UBE2QL1: variants seen among roughly 807,000 people sequenced by gnomAD.
The protein encoded by UBE2QL1 is ubiquitin-conjugating enzyme E2Q-like protein 1.
In UBE2QL1, 5 loss-of-function variants were observed where a neutral mutation model predicts 12.6. That is an observed-to-expected ratio of 0.40 (90% CI 0.21 to 0.83). The LOEUF is 0.83. Ranked by LOEUF, UBE2QL1 falls within the 40% of genes least tolerant of loss-of-function variation. The probability of loss-of-function intolerance (pLI) is 0.37; values close to 1 mark genes in which losing one functional copy is unlikely to be tolerated. For synonymous variants in UBE2QL1, 96 were observed against 94.5 expected (o/e 1.02, Z -0.10); for missense variants, 99 against 222.6 (o/e 0.44, Z 3.53).
chr5:6,495,706 G>A lies in UBE2QL1; in HGVS notation c.*4357G>A, dbSNP rs1734655445. Among the ~76,000 whole-genome samples the A allele has an allele frequency of 6.6e-6, 1 of 152,196 alleles. No individual in the cohort carries two copies. Among genetic ancestry groups the A allele is most frequent in the African/African-American group, 2.4e-5 (1 of 41,444 alleles). ...GGCAGAAATTCCCTCCAACTGTTTTGGGAAGCTTCTGTAAGGGGCTTGGAG... is the reference window on the plus strand; with the variant it reads ...GGCAGAAATTCCCTCCAACTGTTTTAGGAAGCTTCTGTAAGGGGCTTGGAG... On this transcript the variant is annotated 3_prime_UTR_variant, in exon 2 of 2. Transcript: ENST00000399816.
At chr5:6,471,882 C>T (rs1739919288) in intron 1 of UBE2QL1, among the ~76,000 whole-genome samples, 1 of 152,258 alleles carries the variant, frequency 6.6e-6, no homozygotes, top group Non-Finnish European at 1.5e-5. Flanking sequence ...CTGGCATACA[C>T]GTTCATGTAA....
chr5:6,459,849 A>C (rs1409503632), intron 1 of UBE2QL1, among the ~76,000 whole-genome samples: 1 of 152,162 alleles, frequency 6.6e-6, no homozygotes, highest in East Asian at 1.9e-4. Flanking sequence ...GTTTCTTTCA[A>C]TCCTAATTAT....
chr5:6,470,774 T>G (rs1172717864), intron 1 of UBE2QL1, among the ~76,000 whole-genome samples: 1 of 152,202 alleles, frequency 6.6e-6, no homozygotes, highest in Non-Finnish European at 1.5e-5. Context: ...GGGACTGTCC[T>G]GTGTATCATG....
At chr5:6,450,090 C>A (rs169250) in intron 1 of UBE2QL1, among the ~76,000 whole-genome samples, 61,718 of 112,728 alleles carry the variant, frequency 0.55, 15,337 homozygotes, top group East Asian at 0.67. Flanking sequence ...GACCAGACCC[C>A]CCCCCCCCAC....
Position 6,481,329 on chromosome 5 carries a change from A to G in UBE2QL1, c.355-9889A>G, listed in dbSNP as rs961824423. On this transcript the variant is annotated intron_variant, in intron 1 of 1. Coordinates refer to ENST00000399816, the MANE Select transcript of UBE2QL1 (RefSeq NM_001145161.3). The surrounding 1 kb of genome is among the most constrained non-coding windows in gnomAD (Gnocchi z 4.5). Reference sequence around the variant, plus strand: ...CTTGGCATGGTGGCCCACCACCTCCATCCCATCTCGCCTTGCACGCCAGGT... The same window carrying G: ...CTTGGCATGGTGGCCCACCACCTCCGTCCCATCTCGCCTTGCACGCCAGGT... Among the ~76,000 whole-genome samples, 7 of 152,140 alleles carry G rather than the reference A, an allele frequency of 4.6e-5. No individual in the cohort carries two copies. The highest frequency in any genetic ancestry group is 8.8e-5 in the Non-Finnish European group (6 of 68,024).
In UBE2QL1 at chr5:6,492,347, A is replaced by T. The variant is rs1185402255; in HGVS notation, c.*998A>T. The T allele has an allele frequency of 6.6e-6, 1 of 152,202 alleles. No individual in the cohort carries two copies. Among genetic ancestry groups the T allele is most frequent in the Non-Finnish European group, 1.5e-5 (1 of 68,036 alleles). 9.4% of individuals were successfully genotyped at this position (152,202 alleles called of 1,614,324 possible). Reference sequence around the variant, plus strand: ...TGATTTGCATGATCGGGTCTATTTCACCCAATAGTCACTTGTGTGTCCCCC... The same window carrying T: ...TGATTTGCATGATCGGGTCTATTTCTCCCAATAGTCACTTGTGTGTCCCCC... On this transcript the variant is annotated 3_prime_UTR_variant, in exon 2 of 2. Coordinates refer to ENST00000399816, the MANE Select transcript of UBE2QL1 (RefSeq NM_001145161.3).
At chr5:6,469,422 TC>T (rs1209631516) in intron 1 of UBE2QL1, among the ~76,000 whole-genome samples, 2 of 148,804 alleles carry the variant, frequency 1.3e-5, no homozygotes, top group Non-Finnish European at 3.0e-5. Context: ...AATATTCTAA[TC>T]TATACATATT....
chr5:6,460,838 G>A (rs147945764), intron 1 of UBE2QL1, among the ~76,000 whole-genome samples: 111 of 152,312 alleles, frequency 7.3e-4, no homozygotes, highest in African/African-American at 2.6e-3. Flanking sequence ...GCCATTAAAT[G>A]TTGTTGATAT....
At chr5:6,459,878 G>A (rs1425056153) in intron 1 of UBE2QL1, among the ~76,000 whole-genome samples, 1 of 152,178 alleles carries the variant, frequency 6.6e-6, no homozygotes, top group Non-Finnish European at 1.5e-5. Context: ...CTGAATTGCA[G>A]TTCAAAGTTA....
rs973589685 is a variant in UBE2QL1 at position 6,479,829 on chromosome 5, C to T, written c.355-11389C>T. Among the ~76,000 whole-genome samples, 2 of 152,212 alleles carry T rather than the reference C, an allele frequency of 1.3e-5. No homozygotes were observed. Among genetic ancestry groups the T allele is most frequent in the Admixed American group, 6.5e-5 (1 of 15,294 alleles). On this transcript the variant is annotated intron_variant, in intron 1 of 1. Coordinates refer to ENST00000399816, the MANE Select transcript of UBE2QL1 (RefSeq NM_001145161.3). The surrounding 1 kb of genome is among the most constrained non-coding windows in gnomAD (Gnocchi z 4.2). Reference sequence around the variant, plus strand: ...AGAGACTCACCAGGGAGGTCACCCACCCTGTTCACCACGTCAGGCAGGTAG... The same window carrying T: ...AGAGACTCACCAGGGAGGTCACCCATCCTGTTCACCACGTCAGGCAGGTAG...
chr5:6,469,063 T>C (rs1425834521), intron 1 of UBE2QL1, among the ~76,000 whole-genome samples: 1 of 152,226 alleles, frequency 6.6e-6, no homozygotes, highest in Non-Finnish European at 1.5e-5. Context: ...TTCTTCTTGT[T>C]TGGTCAGCCT....
intron 1 of UBE2QL1, among the ~76,000 whole-genome samples, chr5:6,480,066 A>G (rs1422847259): frequency 2.6e-5 from 4 of 152,166 alleles, no homozygotes; most frequent in Non-Finnish European, 5.9e-5. Context: ...CAGGCGGGTC[A>G]CTTTTTTCGT....
intron 1 of UBE2QL1, among the ~76,000 whole-genome samples, chr5:6,473,983 C>T (rs535753189): frequency 6.6e-6 from 1 of 152,310 alleles, no homozygotes; most frequent in Non-Finnish European, 1.5e-5. Context: ...GTGCCTTCCA[C>T]AGTAGGCCCT....
intron 1 of UBE2QL1, among the ~76,000 whole-genome samples, chr5:6,460,511 G>C (rs898021978): frequency 6.6e-6 from 1 of 152,188 alleles, no homozygotes; most frequent in African/African-American, 2.4e-5. Flanking sequence ...AGGAAACTCA[G>C]AAGAGCCTCC....
Position 6,466,297 on chromosome 5 carries a change from T to G in UBE2QL1, c.354+17050T>G, listed in dbSNP as rs1036862139. Among the ~76,000 whole-genome samples the G allele has an allele frequency of 2.6e-5, 4 of 152,324 alleles. No homozygotes were observed. The South Asian group carries it at 6.2e-4, about 24-fold the overall frequency. On this transcript the variant is annotated intron_variant, in intron 1 of 1. Coordinates refer to ENST00000399816, the MANE Select transcript of UBE2QL1 (RefSeq NM_001145161.3). ...TGCTCAGCACTCAGGAAGTGTGAGC[T>G]GCTCACGAGCCCCTCACACCCCAAG...
intron 1 of UBE2QL1, among the ~76,000 whole-genome samples, chr5:6,486,662 C>G (rs1486095852): frequency 2.6e-5 from 4 of 152,322 alleles, no homozygotes; most frequent in African/African-American, 9.6e-5. Context: ...GTCACCAGCA[C>G]AGTTCCTGAC....
Position 6,491,356 on chromosome 5 carries a change from C to G in UBE2QL1, c.*7C>G, listed in dbSNP as rs761954358. 1 of 1,547,728 alleles carries G rather than the reference C, an allele frequency of 6.5e-7. No individual in the cohort carries two copies. Among genetic ancestry groups the G allele is most frequent in the Non-Finnish European group, 8.7e-7 (1 of 1,145,330 alleles). On this transcript the variant is annotated 3_prime_UTR_variant, in exon 2 of 2. Coordinates refer to ENST00000399816, the MANE Select transcript of UBE2QL1 (RefSeq NM_001145161.3). ...GCCCGTGTCCGACGGCTGATGTCTG[C>G]CACGTGCAGTAGACGCTCGAGCGCC...
intron 1 of UBE2QL1, among the ~76,000 whole-genome samples, chr5:6,477,872 T>G (rs1734272130): frequency 6.6e-6 from 1 of 152,202 alleles, no homozygotes; most frequent in Non-Finnish European, 1.5e-5. Context: ...AGTTGCAGCT[T>G]CACTCAGTGC....
intron 1 of UBE2QL1, among the ~76,000 whole-genome samples, chr5:6,471,865 A>G (rs1739919034): frequency 6.6e-6 from 1 of 152,230 alleles, no homozygotes; most frequent in Non-Finnish European, 1.5e-5. Flanking sequence ...CACATGCATA[A>G]TAAATTCTGG....
Sources: allele counts gnomAD v4.1 joint callset (sites outside exome capture counted in the v4.1 genomes callset), GRCh38; gene constraint gnomAD v4.1.1; non-coding constraint Gnocchi (gnomAD v3.1); transcripts MANE v1.5; gene names NCBI Gene and HGNC (gene_info 2026-07-23, HGNC 2026-07-21).